The following RPS6KA2 variants were observed in gnomAD, a reference collection of about 807,000 sequenced individuals.
RPS6KA2 encodes ribosomal protein S6 kinase alpha-2.
A neutral mutation model predicts 91.8 loss-of-function variants in RPS6KA2; 42 were observed. The ratio of observed to expected loss-of-function variants is 0.46; its 90% CI spans 0.36 to 0.59. The LOEUF is 0.59. RPS6KA2 is among the 20% of genes least tolerant of loss of function. The pLI is 0.00. For missense variants in RPS6KA2, 798 were observed against 978.5 expected (o/e 0.82, Z 2.46); for synonymous variants, 414 against 393.6 (o/e 1.05, Z -0.61).
At chr6:166,787,463 T>C (rs1778962904) in intron 2 of RPS6KA2, among the ~76,000 whole-genome samples, 2 of 152,094 alleles carry the variant, frequency 1.3e-5, no homozygotes. Context: ...AATATAAGTC[T>C]GGCTGTGGGA....
rs563091923 is a variant in RPS6KA2 at position 166,731,527 on chromosome 6, T to C, written c.123+126673A>G. Reference sequence around the variant, plus strand: ...GGAAGCCATGTCTGTTTCTTTCTGCTTGCCAACAGCACTTCAGAAAACCCC... The same window carrying C: ...GGAAGCCATGTCTGTTTCTTTCTGCCTGCCAACAGCACTTCAGAAAACCCC... On this transcript the variant is annotated intron_variant, in intron 2 of 21. Coordinates refer to the RPS6KA2 transcript ENST00000503859. Among the ~76,000 whole-genome samples the C allele has an allele frequency of 2.6e-5, 4 of 152,250 alleles. No homozygotes were observed. In the South Asian group the frequency reaches 8.3e-4, roughly 32 times the overall value.
chr6:166,807,273 T>C (rs1205012408), intron 2 of RPS6KA2, among the ~76,000 whole-genome samples: 3 of 152,322 alleles, frequency 2.0e-5, no homozygotes, highest in Non-Finnish European at 4.4e-5. Context: ...TTCTCATCTT[T>C]CCTGACACTC....
intron 11 of RPS6KA2, among the ~76,000 whole-genome samples, chr6:166,465,162 G>A (rs569849088): frequency 2.0e-5 from 3 of 152,302 alleles, no homozygotes; most frequent in South Asian, 2.1e-4. Flanking sequence ...CTTCTCATTC[G>A]TCATTAAGGA....
chr6:166,458,669 G>C (rs1171126547), intron 12 of RPS6KA2, among the ~76,000 whole-genome samples: 3 of 152,138 alleles, frequency 2.0e-5, no homozygotes, highest in Non-Finnish European at 2.9e-5. Flanking sequence ...AGGCCACGTG[G>C]GGACACAGCA....
chr6:166,490,804 G>T lies in RPS6KA2; in HGVS notation c.748-63C>A. Reference sequence around the variant, plus strand: ...CAGATGGACCCGGCTTCACGGCAGAGTACCCCAGCAGGGCAGCCTGCTACC... The same window carrying T: ...CAGATGGACCCGGCTTCACGGCAGATTACCCCAGCAGGGCAGCCTGCTACC... On this transcript the variant is annotated intron_variant, in intron 8 of 20. Transcript: ENST00000265678. This position sits in a 1 kb window ranked among gnomAD's most constrained non-coding sequence, Gnocchi z 4.2. The T allele has an allele frequency of 1.5e-6, 2 of 1,301,816 alleles. No individual in the cohort carries two copies. Among genetic ancestry groups the T allele is most frequent in the Non-Finnish European group, 2.2e-6 (2 of 910,254 alleles). The allele number at this position is 1,301,816 out of a possible 1,614,324, so 80.6% of individuals were successfully genotyped here. A position where few individuals can be genotyped will look rare whatever the true frequency, so the allele number is the denominator to read the frequency against.
At chr6:166,607,964 C>A (rs747518179) in intron 1 of RPS6KA2, among the ~76,000 whole-genome samples, 1 of 151,346 alleles carries the variant, frequency 6.6e-6, no homozygotes, top group Non-Finnish European at 1.5e-5. Context: ...GAGCCATGAT[C>A]GTGCCCCTGC....
intron 1 of RPS6KA2, among the ~76,000 whole-genome samples, chr6:166,608,380 T>C (rs934257527): frequency 1.3e-5 from 2 of 152,162 alleles, no homozygotes; most frequent in African/African-American, 2.4e-5. Flanking sequence ...TTCATGTGAA[T>C]TCAATCCAAT....
chr6:166,778,911 G>A (rs9457205), intron 2 of RPS6KA2, among the ~76,000 whole-genome samples: 32,790 of 152,204 alleles, frequency 0.22, 4,357 homozygotes, highest in African/African-American at 0.37. Context: ...ACTCTGGCCC[G>A]TTGCTATTGA....
At chr6:166,657,471 C>A (rs1055638676) in intron 2 of RPS6KA2, among the ~76,000 whole-genome samples, 1 of 152,142 alleles carries the variant, frequency 6.6e-6, no homozygotes, top group Non-Finnish European at 1.5e-5. Context: ...TAACAACATT[C>A]CTTGGTTGTA....
At position 166,681,542 on chromosome 6, in the gene RPS6KA2, CAG is replaced by C. The variant is rs113808755; in HGVS notation, c.124-142760_124-142759del. ...TGTGACCAGTGCTGATCGGTGGCCC[CAG>C]GAAGGCTGAGCTCTCTCCCTGCAAG... On this transcript the variant is annotated intron_variant, in intron 2 of 21. Transcript: ENST00000503859. Among the ~76,000 whole-genome samples, 931 of 152,246 alleles carry C rather than the reference CAG, an allele frequency of 6.1e-3. 11 individuals carry two copies. Among genetic ancestry groups the C allele is most frequent in the African/African-American group, 0.021 (875 of 41,544 alleles).
At chr6:166,464,758 G>A (rs901533602) in intron 11 of RPS6KA2, among the ~76,000 whole-genome samples, 2 of 152,212 alleles carry the variant, frequency 1.3e-5, no homozygotes, top group Admixed American at 6.5e-5. Context: ...CTCTGCAGAG[G>A]TTTGTAGTCC....
intron 2 of RPS6KA2, chr6:166,757,710 C>T (rs1778057346): frequency 5.0e-6 from 2 of 403,062 alleles, no homozygotes; most frequent in African/African-American, 4.1e-5. Flanking sequence ...CCCCGCACAC[C>T]TCCTCTTCCC....
At chr6:166,503,344 T>C (rs1782086923) in intron 6 of RPS6KA2, among the ~76,000 whole-genome samples, 1 of 152,284 alleles carries the variant, frequency 6.6e-6, no homozygotes, top group African/African-American at 2.4e-5. Context: ...TGACCTGGTT[T>C]CTGGGTAAAC....
chr6:166,453,713 G>A (rs1040421127), intron 12 of RPS6KA2, among the ~76,000 whole-genome samples: 1 of 152,216 alleles, frequency 6.6e-6, no homozygotes, highest in Non-Finnish European at 1.5e-5. Flanking sequence ...TTGCCCAAAG[G>A]AAAAGAAATC....
At chr6:166,574,142 G>T (rs1253198720) in intron 1 of RPS6KA2, among the ~76,000 whole-genome samples, 1 of 152,162 alleles carries the variant, frequency 6.6e-6, no homozygotes, top group African/African-American at 2.4e-5. Context: ...GTGCAAGAGG[G>T]TTTTTTAATT....
intron 2 of RPS6KA2, among the ~76,000 whole-genome samples, chr6:166,716,065 G>GGAAAGAAAGAAA (rs368354665): frequency 5.9e-5 from 5 of 85,430 alleles, no homozygotes; most frequent in South Asian, 7.5e-4. Flanking sequence ...AAAAAAAGAA[G>GGAAAGAAAGAAA]GAAAGAAAGA....
intron 1 of RPS6KA2, among the ~76,000 whole-genome samples, chr6:166,543,444 C>T (rs1026250887): frequency 6.6e-6 from 1 of 152,180 alleles, no homozygotes; most frequent in South Asian, 2.1e-4. Flanking sequence ...CCAAAGGTGC[C>T]CTTCTCAAGC....
chr6:166,492,642 AGATGCCCG>A (rs748012801), intron 8 of RPS6KA2, among the ~76,000 whole-genome samples: 1 of 152,206 alleles, frequency 6.6e-6, no homozygotes, highest in Non-Finnish European at 1.5e-5. Context: ...GTGCCTGTCC[AGATGCCCG>A]GATATCATTT....
At chr6:166,778,135 G>A (rs1028830023) in intron 2 of RPS6KA2, among the ~76,000 whole-genome samples, 2 of 152,242 alleles carry the variant, frequency 1.3e-5, no homozygotes, top group African/African-American at 4.8e-5. Flanking sequence ...GCCCTGGCAG[G>A]GAGATATCGG....
Sources: gnomAD v4.1 joint callset for allele counts (sites outside exome capture counted in the v4.1 genomes callset) on GRCh38, gnomAD v4.1.1 for gene constraint, Gnocchi (gnomAD v3.1) non-coding constraint, MANE v1.5 for transcripts, NCBI Gene and HGNC (gene_info 2026-07-23, HGNC 2026-07-21) for gene names.